Variants in CLPTM1 observed in about 807,000 individuals in gnomAD.
The protein encoded by CLPTM1 is CLPTM1 regulator of GABA type A receptor forward trafficking.
CLPTM1 carries 21 observed loss-of-function variants against 77.3 expected under a neutral mutation model. The observed-to-expected ratio is 0.27, with a 90% confidence interval of 0.19 to 0.39. The LOEUF is 0.39. CLPTM1 is among the 10% of genes least tolerant of loss of function. CLPTM1 has a pLI of 1.00. For missense variants in CLPTM1, 642 were observed against 921.2 expected (o/e 0.70, Z 3.92); for synonymous variants, 373 against 381.0 (o/e 0.98, Z 0.24).
In CLPTM1 at chr19:44,990,748, G is replaced by A; in HGVS notation, c.1324-102G>A. On this transcript the variant is annotated intron_variant, in intron 10 of 13. Transcript: ENST00000337392. This position sits in a 1 kb window ranked among gnomAD's most constrained non-coding sequence, Gnocchi z 4.8. The stretch of plus-strand genomic sequence containing the variant: ...CAGGGGATTTTTTGGGTCACACATG[G>A]GGCAGGGGAACTGGGAACGGTGGGG... The A allele has an allele frequency of 7.6e-7, 1 of 1,321,680 alleles. No individual in the cohort carries two copies. The highest frequency in any genetic ancestry group is 1.2e-5 in the South Asian group (1 of 81,550). 81.9% of individuals were successfully genotyped at this position (1,321,680 alleles called of 1,614,324 possible).
intron 1 of CLPTM1, among the ~76,000 whole-genome samples, chr19:44,960,219 G>A (rs752724503): frequency 2.0e-5 from 3 of 152,204 alleles, no homozygotes; most frequent in Non-Finnish European, 4.4e-5. Context: ...GTCAAAGGGA[G>A]CTCCTCAGGG....
chr19:44,992,958 C>CTCGCCTCCCCTCCCTG lies in CLPTM1; in HGVS notation c.*67_*82dup. The CTCGCCTCCCCTCCCTG allele has an allele frequency of 1.3e-6, 2 of 1,548,828 alleles. No individual in the cohort carries two copies. Among genetic ancestry groups the CTCGCCTCCCCTCCCTG allele is most frequent in the Non-Finnish European group, 1.8e-6 (2 of 1,142,280 alleles). ...ACCACTACCCCTGCGTCCCGGCCCC[C>CTCGCCTCCCCTCCCTG]TCGCCTCCCCTCCCTGTCGCCCTTT... On this transcript the variant is annotated 3_prime_UTR_variant, in exon 14 of 14. Coordinates refer to ENST00000337392, the MANE Select transcript of CLPTM1 (RefSeq NM_001294.4). The surrounding 1 kb of genome is among the most constrained non-coding windows in gnomAD (Gnocchi z 7.7).
At chr19:44,954,792 G>A, upstream of CLPTM1, 1 of 1,299,474 alleles carries the variant, frequency 7.7e-7, no homozygotes, top group Non-Finnish European at 1.0e-6. Flanking sequence ...GAGGTTTGTT[G>A]GCCGTAAGAC....
intron 4 of CLPTM1, 98 bp from the exon 5 acceptor site, chr19:44,977,245 G>T (rs936328421): frequency 3.4e-6 from 3 of 869,598 alleles, no homozygotes; most frequent in African/African-American, 1.6e-5. Flanking sequence ...AGAGAGTTGA[G>T]GGGGAGGAAA....
At chr19:44,954,754 C>T, upstream of CLPTM1, 1 of 1,337,228 alleles carries the variant, frequency 7.5e-7, no homozygotes, top group Non-Finnish European at 9.6e-7. Flanking sequence ...AGTCCGAAGG[C>T]TTGGGGGTGT....
At position 44,992,042 on chromosome 19, in the gene CLPTM1, GA is replaced by G. The variant is rs1253681359; in HGVS notation, c.1556-190del. Among the ~76,000 whole-genome samples, 3 of 152,156 alleles carry G rather than the reference GA, an allele frequency of 2.0e-5. No individual in the cohort carries two copies. The highest frequency in any genetic ancestry group is 4.4e-5 in the Non-Finnish European group (3 of 68,012). Reference sequence around the variant, plus strand: ...TAAACAGAGGCCTCAGATATCCAGGGAGAGAGCTGTGCGGATGTGACAGAAG... The same window carrying G: ...TAAACAGAGGCCTCAGATATCCAGGGGAGAGCTGTGCGGATGTGACAGAAG... On this transcript the variant is annotated intron_variant, in intron 12 of 13. Coordinates refer to ENST00000337392, the MANE Select transcript of CLPTM1 (RefSeq NM_001294.4). The surrounding 1 kb of genome is among the most constrained non-coding windows in gnomAD (Gnocchi z 7.7).
chr19:44,991,099 C>G lies in CLPTM1; in HGVS notation c.1420-139C>G. The G allele has an allele frequency of 7.0e-7, 1 of 1,429,780 alleles. No homozygotes were observed. The highest frequency in any genetic ancestry group is 9.6e-7 in the Non-Finnish European group (1 of 1,039,858). The allele number at this position is 1,429,780 out of a possible 1,614,324, so 88.6% of individuals were successfully genotyped here. On this transcript the variant is annotated intron_variant, in intron 11 of 13. Coordinates refer to ENST00000337392, the MANE Select transcript of CLPTM1 (RefSeq NM_001294.4). This position sits in a 1 kb window ranked among gnomAD's most constrained non-coding sequence, Gnocchi z 5.4. ...CATCTGCCATAACTGCTTCCCTGGG[C>G]GAGTCCGGAGTCCCCAGGGCTACCT...
In CLPTM1 at chr19:44,986,512, A is replaced by G. The variant is rs754823093; in HGVS notation, c.730A>G (p.Ile244Val). The stretch of plus-strand genomic sequence containing the variant: ...CTCCCATTGGCACCCCAACATCACC[A>G]TCAACATCGTGGACGACCACACGCC... ...VISHWHPNIT[I>V]NIVDDHTPWV... Residue 244 changes from isoleucine to valine, a missense_variant, in exon 7 of 14, where the codon ATC becomes GTC. Coordinates refer to ENST00000337392, the MANE Select transcript of CLPTM1 (RefSeq NM_001294.4). 20 of 1,613,950 alleles carry G rather than the reference A, an allele frequency of 1.2e-5. No individual in the cohort carries two copies. Among genetic ancestry groups the G allele is most frequent in the Middle Eastern group, 1.6e-4 (1 of 6,082 alleles).
intron 1 of CLPTM1, among the ~76,000 whole-genome samples, chr19:44,957,918 C>T (rs1328776358): frequency 6.6e-6 from 1 of 152,204 alleles, no homozygotes; most frequent in Non-Finnish European, 1.5e-5. Flanking sequence ...CTCTTGAAGG[C>T]CCTTACACTT....
Position 44,955,420 on chromosome 19 carries a change from G to A in CLPTM1, c.25G>A (p.Gly9Arg), listed in dbSNP as rs1568638018. ...GATGGCGGCGGCGCAGGAGGCGGAC[G>A]GGGCCCGCAGCGCCGTGGTGGCGGC... Reference protein sequence around the residue: MAAAQEADGARSAVVAAGG... With the variant: MAAAQEADRARSAVVAAGG... Residue 9 changes from glycine to arginine, a missense_variant, in exon 1 of 14, where the codon GGG becomes AGG. Physicochemically the swap from Gly to Arg is moderately radical, Grantham distance 125. Transcript: ENST00000337392. 20 of 1,336,398 alleles carry A rather than the reference G, an allele frequency of 1.5e-5. No homozygotes were observed. The highest frequency in any genetic ancestry group is 3.8e-5 in the Admixed American group (1 of 25,976). The allele number at this position is 1,336,398 out of a possible 1,614,324, so 82.8% of individuals were successfully genotyped here. A position where few individuals can be genotyped will look rare whatever the true frequency, so the allele number is the denominator to read the frequency against.
At chr19:44,964,298 CTTTTTTTTTTTTTTTT>C (rs35539206) in intron 2 of CLPTM1, among the ~76,000 whole-genome samples, 6 of 68,152 alleles carry the variant, frequency 8.8e-5, no homozygotes, top group African/African-American at 1.2e-4. Context: ...TCATTTTAAC[CTTTTTTTTTTTTTTTT>C]TTTTTTTTTT....
chr19:44,977,176 A>G (rs1313527856), intron 4 of CLPTM1, among the ~76,000 whole-genome samples, 167 bp from the exon 5 acceptor site: 1 of 152,164 alleles, frequency 6.6e-6, no homozygotes, highest in Non-Finnish European at 1.5e-5. Flanking sequence ...GTCTGACTCC[A>G]GCATTTACCT....
At chr19:44,954,699 G>A, upstream of CLPTM1, 7 of 1,179,076 alleles carry the variant, frequency 5.9e-6, no homozygotes, top group Admixed American at 4.3e-5. Context: ...CCACGGATGC[G>A]AGGTTTGGAC....
At chr19:44,978,981 CTTTTT>C (rs35634071) in intron 5 of CLPTM1, among the ~76,000 whole-genome samples, 1 of 132,292 alleles carries the variant, frequency 7.6e-6, no homozygotes, top group Non-Finnish European at 1.6e-5. Flanking sequence ...TTGCCTGGCT[CTTTTT>C]TTTTTTTTTT....
chr19:44,976,595 C>T (rs2122291057), intron 4 of CLPTM1, among the ~76,000 whole-genome samples: 1 of 152,328 alleles, frequency 6.6e-6, no homozygotes, highest in Middle Eastern at 3.4e-3. Context: ...TGTCTCCACC[C>T]AGTGCCCCTG....
intron 3 of CLPTM1, 25 bp from the exon 4 acceptor site, chr19:44,974,414 C>T (rs779515054): frequency 1.9e-6 from 3 of 1,602,404 alleles, no homozygotes; most frequent in East Asian, 2.2e-5. Context: ...CAGGCCTGAG[C>T]TCTGTTCCCT....
At chr19:44,976,266 G>A (rs553241811) in intron 4 of CLPTM1, among the ~76,000 whole-genome samples, 37 of 152,186 alleles carry the variant, frequency 2.4e-4, no homozygotes, top group African/African-American at 8.0e-4. Flanking sequence ...CCAGCAGGGG[G>A]ATCTGCTTCC....
chr19:44,966,274 G>GCT (rs1427927074), intron 2 of CLPTM1, among the ~76,000 whole-genome samples: 26 of 152,124 alleles, frequency 1.7e-4, no homozygotes, highest in Non-Finnish European at 3.4e-4. Context: ...AGCCGGGCAT[G>GCT]GTGGCAGGCG....
intron 2 of CLPTM1, 104 bp from the exon 3 acceptor site, chr19:44,972,983 C>G: frequency 6.7e-7 from 1 of 1,502,176 alleles, no homozygotes; most frequent in Non-Finnish European, 9.0e-7. Context: ...GGTCACTAGC[C>G]CCAGGTCAGG....
Sources: gnomAD v4.1 joint callset for allele counts (sites outside exome capture counted in the v4.1 genomes callset) on GRCh38, gnomAD v4.1.1 for gene constraint, Gnocchi (gnomAD v3.1) non-coding constraint, MANE v1.5 for transcripts, NCBI Gene and HGNC (gene_info 2026-07-23, HGNC 2026-07-21) for gene names.